The following DNAH6 variants were observed in gnomAD, a reference collection of about 807,000 sequenced individuals.
The protein encoded by DNAH6 is axonemal beta dynein heavy chain 6.
A neutral mutation model predicts 491.4 loss-of-function variants in DNAH6; 340 were observed. The ratio of observed to expected loss-of-function variants is 0.69; its 90% CI spans 0.63 to 0.76. The LOEUF is 0.76. Ranked by LOEUF, DNAH6 falls within the 30% of genes least tolerant of loss-of-function variation. The pLI, the probability that DNAH6 is intolerant of heterozygous loss-of-function variation, is 0.00. For missense variants in DNAH6, 4,443 were observed against 4,972.2 expected (o/e 0.89, Z 3.20); for synonymous variants, 1,603 against 1,686.1 (o/e 0.95, Z 1.21).
chr2:84,550,986 T>A (rs1679292515), intron 9 of DNAH6, among the ~76,000 whole-genome samples: 1 of 152,066 alleles, frequency 6.6e-6, no homozygotes, highest in African/African-American at 2.4e-5. Context: ...AAAAGAAAGA[T>A]CATATTATCT....
At chr2:84,752,774 A>G (rs1558998934) in intron 63 of DNAH6, among the ~76,000 whole-genome samples, 2 of 152,010 alleles carry the variant, frequency 1.3e-5, no homozygotes, top group African/African-American at 2.4e-5. Flanking sequence ...ATAATATACT[A>G]TTGCGTGGAT....
intron 49 of DNAH6, among the ~76,000 whole-genome samples, chr2:84,702,849 C>G (rs1273577803): frequency 6.6e-6 from 1 of 152,158 alleles, no homozygotes; most frequent in African/African-American, 2.4e-5. Flanking sequence ...GCCAAGCTTT[C>G]TGACTCACCT....
intron 62 of DNAH6, among the ~76,000 whole-genome samples, chr2:84,734,553 GC>G (rs1699385744): frequency 6.6e-6 from 1 of 152,022 alleles, no homozygotes; most frequent in Non-Finnish European, 1.5e-5. Context: ...TTCTTTTGCA[GC>G]CTGGTGCATG....
chr2:84,491,994 A>G, the DNAH6 span, among the ~76,000 whole-genome samples: 3 of 152,278 alleles, frequency 2.0e-5, no homozygotes, highest in East Asian at 5.8e-4. Flanking sequence ...AGATTCTCCC[A>G]GTCTACTGCT....
chr2:84,465,278 G>C, the DNAH6 span, among the ~76,000 whole-genome samples: 1 of 152,124 alleles, frequency 6.6e-6, no homozygotes, highest in Non-Finnish European at 1.5e-5. Context: ...AGCAGATCAC[G>C]AGGTCAGGAG....
chr2:84,503,262 G>T, the DNAH6 span, among the ~76,000 whole-genome samples: 1 of 152,104 alleles, frequency 6.6e-6, no homozygotes, highest in African/African-American at 2.4e-5. Context: ...CAAAGGAAGA[G>T]AAAACTAATA....
At chr2:84,819,095 G>A (rs1434827155) in intron 76 of DNAH6, among the ~76,000 whole-genome samples, 1 of 152,026 alleles carries the variant, frequency 6.6e-6, no homozygotes, top group Non-Finnish European at 1.5e-5. Context: ...ATTCTATGAA[G>A]TCTAAGCTGG....
At chr2:84,679,269 A>T (rs1693545249) in intron 41 of DNAH6, among the ~76,000 whole-genome samples, 1 of 152,206 alleles carries the variant, frequency 6.6e-6, no homozygotes, top group Non-Finnish European at 1.5e-5. Flanking sequence ...AATTAGTTAA[A>T]TAGTGCATAT....
chr2:84,780,544 T>G (rs1676585877), intron 64 of DNAH6, among the ~76,000 whole-genome samples: 1 of 152,208 alleles, frequency 6.6e-6, no homozygotes, highest in South Asian at 2.1e-4. Flanking sequence ...ATCATTTTAC[T>G]GGCTTCTTTG....
chr2:84,665,476 A>G (rs1436948609), intron 37 of DNAH6, among the ~76,000 whole-genome samples: 2 of 152,266 alleles, frequency 1.3e-5, no homozygotes, highest in Non-Finnish European at 2.9e-5. Context: ...AAACACCTCT[A>G]CACAAATAAA....
chr2:84,544,579 A>G (rs1180122839), intron 5 of DNAH6, 79 bp downstream of exon 5: 3 of 797,444 alleles, frequency 3.8e-6, no homozygotes, highest in Non-Finnish European at 5.8e-6. Context: ...GTTGGTATAG[A>G]CTGTTCTTGA....
At chr2:84,614,593 C>T (rs1686661308) in intron 22 of DNAH6, among the ~76,000 whole-genome samples, 1 of 152,106 alleles carries the variant, frequency 6.6e-6, no homozygotes, top group African/African-American at 2.4e-5. Context: ...TTTTTTAGTT[C>T]TTTAAGGATT....
At position 84,694,447 on chromosome 2, in the gene DNAH6, C is replaced by A; in HGVS notation, c.7491C>A (p.Asp2497Glu). 1 of 1,551,848 alleles carries A rather than the reference C, an allele frequency of 6.4e-7. No individual in the cohort carries two copies. Among genetic ancestry groups the A allele is most frequent in the Non-Finnish European group, 8.7e-7 (1 of 1,147,010 alleles). ...TGTACAAAATGGCTGGTGTAGAAGA[C>A]AAGAATATGGTTTTCCTTTTCACTG... ...RKLYKMAGVE[D>E]KNMVFLFTDT... The change falls in exon 46 of 77, where the codon GAC becomes GAA. Residue 2497 changes from aspartate (D) to glutamate (E), a missense_variant. Coordinates refer to ENST00000389394, the MANE Select transcript of DNAH6 (RefSeq NM_001370.2).
chr2:84,653,298 AT>A lies in DNAH6; in HGVS notation c.5079-17del. The A allele has an allele frequency of 6.8e-7, 1 of 1,475,652 alleles. No homozygotes were observed. The highest frequency in any genetic ancestry group is 9.0e-7 in the Non-Finnish European group (1 of 1,109,600). 91.4% of individuals were successfully genotyped at this position (1,475,652 alleles called of 1,614,324 possible). On this transcript the variant is annotated intron_variant, in intron 33 of 76. Transcript: ENST00000389394. ...ATCAATGACCAGTTGTTCCTAATTG[AT>A]TTTATTTTTGTTTTGACAGTGGAAT...
intron 4 of DNAH6, among the ~76,000 whole-genome samples, chr2:84,530,130 C>T (rs948221523): frequency 4.6e-5 from 7 of 152,108 alleles, no homozygotes; most frequent in African/African-American, 1.4e-4. Context: ...ATTAGTAAAC[C>T]ATCCATATCA....
intron 65 of DNAH6, among the ~76,000 whole-genome samples, chr2:84,782,143 A>G (rs568999469): frequency 2.0e-5 from 3 of 152,182 alleles, no homozygotes; most frequent in African/African-American, 7.2e-5. Context: ...AGCATTACTC[A>G]TAGTTGCTAG....
chr2:84,574,585 A>C (rs1284413969), intron 12 of DNAH6, among the ~76,000 whole-genome samples: 1 of 152,236 alleles, frequency 6.6e-6, no homozygotes, highest in Non-Finnish European at 1.5e-5. Context: ...CTAAGTCGTT[A>C]GACCAAAATG....
chr2:84,629,553 T>A (rs1240826373), intron 29 of DNAH6, among the ~76,000 whole-genome samples: 1 of 152,256 alleles, frequency 6.6e-6, no homozygotes, highest in Non-Finnish European at 1.5e-5. Context: ...CCTATTTACA[T>A]CTTTTCTCCA....
chr2:84,677,813 G>A (rs1453826981), intron 41 of DNAH6, among the ~76,000 whole-genome samples: 2 of 152,200 alleles, frequency 1.3e-5, no homozygotes, highest in Non-Finnish European at 2.9e-5. Flanking sequence ...GAGATTGTGA[G>A]CTGAGTCTTG....
Sources: allele counts gnomAD v4.1 joint callset (sites outside exome capture counted in the v4.1 genomes callset), GRCh38; gene constraint gnomAD v4.1.1; transcripts MANE v1.5; gene names NCBI Gene and HGNC (gene_info 2026-07-23, HGNC 2026-07-21).